Variants in SUCLG2 observed in about 807,000 individuals in gnomAD.
The protein encoded by SUCLG2 is succinate--CoA ligase [GDP-forming] subunit beta, mitochondrial.
SUCLG2 carries 42 observed loss-of-function variants against 47.9 expected under a neutral mutation model. The observed-to-expected ratio is 0.88, with a 90% CI of 0.69 to 1.14. SUCLG2 has a LOEUF of 1.14. Among genes scored for constraint, SUCLG2 ranks in the 50% most tolerant of loss-of-function variants. The pLI, the probability that SUCLG2 is intolerant of heterozygous loss-of-function variation, is 0.00. For synonymous variants in SUCLG2, 195 were observed against 197.3 expected (o/e 0.99, Z 0.10); for missense variants, 571 against 525.9 (o/e 1.09, Z -0.84).
chr3:67,468,403 C>T (rs1245709400), intron 9 of SUCLG2, among the ~76,000 whole-genome samples: 3 of 152,154 alleles, frequency 2.0e-5, no homozygotes, highest in Admixed American at 6.5e-5. Context: ...CTAATCCATC[C>T]AGCTCCTTGA....
chr3:67,566,041 A>T (rs1707446445), intron 2 of SUCLG2, among the ~76,000 whole-genome samples: 1 of 152,194 alleles, frequency 6.6e-6, no homozygotes, highest in African/African-American at 2.4e-5. Context: ...TCAATCAGGC[A>T]AGGAGAGTAT....
intron 1 of SUCLG2, among the ~76,000 whole-genome samples, chr3:67,636,538 G>T (rs1193068491): frequency 6.6e-6 from 1 of 152,066 alleles, no homozygotes; most frequent in Non-Finnish European, 1.5e-5. Flanking sequence ...GTTTTTAGTA[G>T]AGACGGGGTT....
At chr3:67,462,946 C>T (rs1704375044) in intron 9 of SUCLG2, among the ~76,000 whole-genome samples, 1 of 152,140 alleles carries the variant, frequency 6.6e-6, no homozygotes, top group Admixed American at 6.5e-5. Context: ...GGGAAAACCC[C>T]CCACACATTT....
At chr3:67,650,943 T>C (rs1231463128) in intron 1 of SUCLG2, among the ~76,000 whole-genome samples, 1 of 152,288 alleles carries the variant, frequency 6.6e-6, no homozygotes, top group East Asian at 1.9e-4. Flanking sequence ...ACTGGCAGTA[T>C]GTACTCATAT....
At chr3:67,532,691 T>G (rs890553972) in intron 2 of SUCLG2, among the ~76,000 whole-genome samples, 1 of 152,196 alleles carries the variant, frequency 6.6e-6, no homozygotes, top group Non-Finnish European at 1.5e-5. Flanking sequence ...TAGAAAACAC[T>G]GTAAGACATA....
At chr3:67,406,295 T>C (rs540788197) in intron 9 of SUCLG2, among the ~76,000 whole-genome samples, 5 of 152,300 alleles carry the variant, frequency 3.3e-5, no homozygotes, top group South Asian at 4.1e-4. Flanking sequence ...CGGCCTACTA[T>C]GTGCCCTGTG....
At chr3:67,404,755 C>T (rs1702764960) in intron 9 of SUCLG2, among the ~76,000 whole-genome samples, 1 of 152,164 alleles carries the variant, frequency 6.6e-6, no homozygotes, top group Non-Finnish European at 1.5e-5. Flanking sequence ...TAATTAACTA[C>T]TGTAATCTGC....
intron 2 of SUCLG2, among the ~76,000 whole-genome samples, chr3:67,535,298 A>C (rs1706509514): frequency 6.6e-6 from 1 of 152,022 alleles, no homozygotes; most frequent in Non-Finnish European, 1.5e-5. Flanking sequence ...TTACAAGAGG[A>C]GCTGAGAAAA....
intron 2 of SUCLG2, among the ~76,000 whole-genome samples, chr3:67,609,202 C>A (rs13074204): frequency 1.3e-5 from 2 of 152,246 alleles, no homozygotes; most frequent in African/African-American, 4.8e-5. Flanking sequence ...GTCAGCAGGA[C>A]TGAAGACTCA....
In SUCLG2 at chr3:67,446,935, A is replaced by G. The variant is rs141366105; in HGVS notation, c.1063-46084T>C. ...TTAATGTAATCCTTAATAAGATGCA[A>G]ATTTTTAAATAATCCTTTATGTTTG... On this transcript the variant is annotated intron_variant, in intron 9 of 10. Coordinates refer to ENST00000307227, the MANE Select transcript of SUCLG2 (RefSeq NM_003848.4). Among the ~76,000 whole-genome samples the G allele has an allele frequency of 2.0e-4, 30 of 152,340 alleles. No homozygotes were observed. In the East Asian group the frequency reaches 2.5e-3, roughly 13 times the overall value.
At chr3:67,653,201 T>C (rs1378856078) in intron 1 of SUCLG2, among the ~76,000 whole-genome samples, 2 of 152,238 alleles carry the variant, frequency 1.3e-5, no homozygotes, top group East Asian at 1.9e-4. Flanking sequence ...TCTACACTCA[T>C]GGTAAGCACC....
At chr3:67,537,177 A>G (rs1706567779) in intron 2 of SUCLG2, among the ~76,000 whole-genome samples, 1 of 150,900 alleles carries the variant, frequency 6.6e-6, no homozygotes, top group African/African-American at 2.4e-5. Flanking sequence ...ATTTCTCCTA[A>G]TTTTCTGTTA....
At chr3:67,648,106 T>C (rs1701222549) in intron 1 of SUCLG2, among the ~76,000 whole-genome samples, 1 of 152,210 alleles carries the variant, frequency 6.6e-6, no homozygotes, top group Non-Finnish European at 1.5e-5. Flanking sequence ...TATTTAATCT[T>C]TGTAACTATC....
At chr3:67,615,309 G>C (rs911932613) in intron 1 of SUCLG2, among the ~76,000 whole-genome samples, 1 of 151,700 alleles carries the variant, frequency 6.6e-6, no homozygotes, top group African/African-American at 2.4e-5. Context: ...TTTAAAATTA[G>C]AGGTGTAGAA....
At chr3:67,599,566 G>A (rs1708369866) in intron 2 of SUCLG2, among the ~76,000 whole-genome samples, 1 of 152,092 alleles carries the variant, frequency 6.6e-6, no homozygotes, top group Non-Finnish European at 1.5e-5. Context: ...TTTCAGTGCT[G>A]CATCTAGCAC....
At position 67,400,778 on chromosome 3, in the gene SUCLG2, G is replaced by C; in HGVS notation, c.1136C>G (p.Ala379Gly). The change falls in exon 10 of 11, where the codon GCC (alanine) becomes GGC (glycine). Residue 379 changes from alanine (A) to glycine (G), a missense_variant. Transcript: ENST00000307227. ...CAIIANGITK[A>G]CRELELKVPL... ...CACCTTGAGTTCTAGCTCCCGGCAG[G>C]CTTTGGTGATCCCATTGGCAATGAT... is the stretch of plus-strand genomic sequence containing the variant. The C allele has an allele frequency of 6.2e-7, 1 of 1,612,046 alleles. No individual in the cohort carries two copies. Among genetic ancestry groups the C allele is most frequent in the Non-Finnish European group, 8.5e-7 (1 of 1,179,908 alleles).
At chr3:67,380,104 C>G (rs1385968304) in intron 10 of SUCLG2, among the ~76,000 whole-genome samples, 1 of 151,946 alleles carries the variant, frequency 6.6e-6, no homozygotes, top group Non-Finnish European at 1.5e-5. Flanking sequence ...GCTGTCCTAA[C>G]AACCCTTTCC....
At chr3:67,566,588 T>A (rs1553661565) in intron 2 of SUCLG2, among the ~76,000 whole-genome samples, 2 of 152,158 alleles carry the variant, frequency 1.3e-5, no homozygotes, top group Non-Finnish European at 2.9e-5. Context: ...TCTTCTAAAG[T>A]AAAAAACATA....
In SUCLG2 at chr3:67,505,691, A is replaced by G. The variant is rs1368984333; in HGVS notation, c.757+3116T>C. Among the ~76,000 whole-genome samples, 87 of 152,298 alleles carry G rather than the reference A, an allele frequency of 5.7e-4. 2 individuals are homozygous for G. Among genetic ancestry groups the G allele is most frequent in the Non-Finnish European group, 2.9e-5 (2 of 68,006 alleles). ...AAGAGGTGGGTACAGGCCAGGCACA[A>G]TGGATCACACCTGTAATCCCAGCAC... is the stretch of plus-strand genomic sequence containing the variant. On this transcript the variant is annotated intron_variant, in intron 7 of 10. Transcript: ENST00000307227.
Sources: gnomAD v4.1 joint callset for allele counts (sites outside exome capture counted in the v4.1 genomes callset) on GRCh38, gnomAD v4.1.1 for gene constraint, MANE v1.5 for transcripts, NCBI Gene and HGNC (gene_info 2026-07-23, HGNC 2026-07-21) for gene names.